Variants in CTNND2 observed in about 807,000 individuals in gnomAD.
CTNND2 encodes the protein catenin delta-2.
CTNND2 carries 22 observed loss-of-function variants against 144.4 expected under a neutral mutation model. That is an observed-to-expected ratio of 0.15 (90% CI 0.11 to 0.22). The LOEUF is 0.22. Ranked by LOEUF, CTNND2 falls within the 10% of genes least tolerant of loss-of-function variation. The pLI is 1.00. For missense variants in CTNND2, 1,353 were observed against 1,618.8 expected (o/e 0.84, Z 2.82); for synonymous variants, 751 against 695.6 (o/e 1.08, Z -1.25).
chr5:11,799,532 G>T (rs1791568141), intron 1 of CTNND2, among the ~76,000 whole-genome samples: 1 of 151,902 alleles, frequency 6.6e-6, no homozygotes. Flanking sequence ...GTTTTTATCT[G>T]TTACATCATT....
At chr5:11,266,843 ACT>A (rs1745486839) in intron 9 of CTNND2, among the ~76,000 whole-genome samples, 1 of 152,132 alleles carries the variant, frequency 6.6e-6, no homozygotes, top group Non-Finnish European at 1.5e-5. Flanking sequence ...AATGCTTCCT[ACT>A]CTCGAACTGC....
At chr5:11,456,316 CT>C (rs76539757) in intron 3 of CTNND2, among the ~76,000 whole-genome samples, 10,032 of 139,356 alleles carry the variant, frequency 0.072, 738 homozygotes, top group African/African-American at 0.2. Context: ...CTTTTTGATG[CT>C]TTTTTTTTTT....
At chr5:11,632,395 G>A (rs1440775394) in intron 2 of CTNND2, among the ~76,000 whole-genome samples, 2 of 152,248 alleles carry the variant, frequency 1.3e-5, no homozygotes, top group African/African-American at 4.8e-5. Context: ...CAAACTCTGA[G>A]GAGTGACAGC....
At chr5:11,041,623 A>G (rs1353756285) in intron 16 of CTNND2, among the ~76,000 whole-genome samples, 1 of 152,096 alleles carries the variant, frequency 6.6e-6, no homozygotes, top group Non-Finnish European at 1.5e-5. Context: ...TGATGTATAT[A>G]ATTTATCCTT....
At chr5:11,212,100 T>C (rs1039259011) in intron 10 of CTNND2, among the ~76,000 whole-genome samples, 4 of 152,188 alleles carry the variant, frequency 2.6e-5, no homozygotes, top group African/African-American at 9.6e-5. Context: ...GAGTCTCTCA[T>C]ATGTTTTGAA....
At position 11,868,574 on chromosome 5, in the gene CTNND2, T is replaced by A. The variant is rs543662172; in HGVS notation, c.37+35243A>T. Among the ~76,000 whole-genome samples the A allele has an allele frequency of 8.4e-4, 128 of 152,310 alleles. 2 individuals carry two copies. In the South Asian group the frequency reaches 0.026, roughly 31 times the overall value. ...AGAAGATTGCTATCGTTTCAATATT[T>A]GTCCCCTCCAAAATGCACGTTGAAA... On this transcript the variant is annotated intron_variant, in intron 1 of 21. Transcript: ENST00000304623.
At chr5:11,834,290 T>C (rs542664890) in intron 1 of CTNND2, among the ~76,000 whole-genome samples, 119 of 152,354 alleles carry the variant, frequency 7.8e-4, no homozygotes, top group African/African-American at 2.8e-3. Flanking sequence ...TCTCTTCCTC[T>C]ACCCATTTAT....
chr5:11,607,688 T>C (rs1561614864), intron 2 of CTNND2, among the ~76,000 whole-genome samples: 1 of 152,208 alleles, frequency 6.6e-6, no homozygotes, highest in African/African-American at 2.4e-5. Context: ...AGATATTCCT[T>C]GCATTTATTC....
intron 2 of CTNND2, among the ~76,000 whole-genome samples, chr5:11,726,658 A>C (rs373942349): frequency 1.3e-5 from 2 of 152,200 alleles, no homozygotes; most frequent in South Asian, 2.1e-4. Flanking sequence ...AATATGACAG[A>C]AGCGTTAGAA....
rs142428240 is a variant in CTNND2, at chr5:11,655,227, C to T, written c.174+76909G>A. Among the ~76,000 whole-genome samples, 129 of 151,834 alleles carry T rather than the reference C, an allele frequency of 8.5e-4. No individual in the cohort carries two copies. The East Asian group carries it at 0.015, about 17-fold the overall frequency. Reference sequence around the variant, plus strand: ...TCCATACTGAACCTTAGTGGGAATGCCTCTAGTTTTTCACATGTAAGAGAG... The same window carrying T: ...TCCATACTGAACCTTAGTGGGAATGTCTCTAGTTTTTCACATGTAAGAGAG... On this transcript the variant is annotated intron_variant, in intron 2 of 21. Transcript: ENST00000304623.
chr5:11,649,090 C>T (rs1465923097), intron 2 of CTNND2, among the ~76,000 whole-genome samples: 1 of 152,092 alleles, frequency 6.6e-6, no homozygotes, highest in African/African-American at 2.4e-5. Flanking sequence ...AAGTCAACTA[C>T]CACTTCTGTA....
At position 11,026,853 on chromosome 5, in the gene CTNND2, T is replaced by C. The variant is rs1742885856; in HGVS notation, c.2789-3874A>G. On this transcript the variant is annotated intron_variant, in intron 16 of 21. Transcript: ENST00000304623. ...ATTCTTAAGAAGCAACTGACAGGGC[T>C]TGGAGCCCAGGGAAATGTTGAGGTA... Among the ~76,000 whole-genome samples, 4 of 152,164 alleles carry C rather than the reference T, an allele frequency of 2.6e-5. No individual in the cohort carries two copies. In the South Asian group the frequency reaches 8.3e-4, roughly 32 times the overall value.
At chr5:11,699,082 T>A (rs1297467063) in intron 2 of CTNND2, among the ~76,000 whole-genome samples, 1 of 151,908 alleles carries the variant, frequency 6.6e-6, no homozygotes, top group Non-Finnish European at 1.5e-5. Flanking sequence ...TTTAATCTAC[T>A]TATACTTTTA....
chr5:11,313,474 G>A lies in CTNND2; in HGVS notation c.1628+32898C>T, dbSNP rs79717922. ...GGGAACAACTGGAATTCCTGCCTGT[G>A]AGGTGCAGTGGAAGGGAAGTGGAGG... On this transcript the variant is annotated intron_variant, in intron 9 of 21. Transcript: ENST00000304623. Among the ~76,000 whole-genome samples, 130 of 152,322 alleles carry A rather than the reference G, an allele frequency of 8.5e-4. 2 individuals carry two copies. In the East Asian group the frequency reaches 0.02, roughly 24 times the overall value.
rs146422875 is a variant in CTNND2, at chr5:11,832,716, G to A, written c.37+71101C>T. 2.9e-3 allele frequency among the ~76,000 whole-genome samples: 442 copies of A among 152,282 alleles called. 2 individuals carry two copies. The highest frequency in any genetic ancestry group is 0.024 in the Middle Eastern group (7 of 294). Reference sequence around the variant, plus strand: ...AGCACTTTGAGAGGCCAAGGCAGGCGAATCACTTGAGCCCAGGAGTTCAAG... The same window carrying A: ...AGCACTTTGAGAGGCCAAGGCAGGCAAATCACTTGAGCCCAGGAGTTCAAG... On this transcript the variant is annotated intron_variant, in intron 1 of 21. Transcript: ENST00000304623.
chr5:10,972,507 A>G lies in CTNND2; in HGVS notation c.*946T>C, dbSNP rs1436995917. ...TTTTGTAAGATATAGGTTCTTGGAAATAGACATTCTTAGCAAATATGGATG... is the reference window on the plus strand; with the variant it reads ...TTTTGTAAGATATAGGTTCTTGGAAGTAGACATTCTTAGCAAATATGGATG... On this transcript the variant is annotated 3_prime_UTR_variant, in exon 22 of 22. Coordinates refer to ENST00000304623, the MANE Select transcript of CTNND2 (RefSeq NM_001332.4). The G allele has an allele frequency of 6.6e-6, 1 of 152,602 alleles. No individual in the cohort carries two copies. Among genetic ancestry groups the G allele is most frequent in the Non-Finnish European group, 1.5e-5 (1 of 68,040 alleles). 9.5% of individuals were successfully genotyped at this position (152,602 alleles called of 1,614,324 possible). A position where few individuals can be genotyped will look rare whatever the true frequency, so the allele number is the denominator to read the frequency against.
At chr5:11,199,420 A>G in intron 11 of CTNND2, 28 bp downstream of exon 11, 1 of 1,581,302 alleles carries the variant, frequency 6.3e-7, no homozygotes, top group East Asian at 2.2e-5. Flanking sequence ...CTTGAGATAT[A>G]ATATAATAAT....
At chr5:11,653,788 T>C (rs771591910) in intron 2 of CTNND2, among the ~76,000 whole-genome samples, 1 of 151,960 alleles carries the variant, frequency 6.6e-6, no homozygotes, top group Non-Finnish European at 1.5e-5. Flanking sequence ...GCCTGTGATT[T>C]GGGAGTCATA....
rs59741742 is a variant in CTNND2, at chr5:11,558,341, CGT to C, written c.287+6601_287+6602del. On this transcript the variant is annotated intron_variant, in intron 3 of 21. Transcript: ENST00000304623. ...GGTAATACTTTGGCTGTGAGAAACA[CGT>C]GTGTGTGTGTGTGTGTGTGTGTGTG... 8.8e-3 allele frequency among the ~76,000 whole-genome samples: 1,166 copies of C among 132,180 alleles called. 9 individuals are homozygous for C. The highest frequency in any genetic ancestry group is 0.023 in the African/African-American group (822 of 35,402). The allele number at this position is 132,180 out of a possible 152,430, so 86.7% of individuals were successfully genotyped here.
Sources: allele counts gnomAD v4.1 joint callset (sites outside exome capture counted in the v4.1 genomes callset), GRCh38; gene constraint gnomAD v4.1.1; transcripts MANE v1.5; gene names NCBI Gene and HGNC (gene_info 2026-07-23, HGNC 2026-07-21).